Variants in MID1 observed in about 807,000 individuals in gnomAD.
MID1 encodes the protein E3 ubiquitin-protein ligase Midline-1.
A neutral mutation model predicts 40.4 loss-of-function variants in MID1; 7 were observed. The ratio of observed to expected loss-of-function variants is 0.17; its 90% confidence interval spans 0.10 to 0.33. MID1 has a LOEUF of 0.33. Among genes scored for constraint, MID1 ranks in the 10% least tolerant of loss-of-function variants. MID1 has a pLI of 1.00. For synonymous variants in MID1, 229 were observed against 221.2 expected (o/e 1.04, Z -0.31); for missense variants, 367 against 558.5 (o/e 0.66, Z 3.46).
At chrX:10,816,428 G>C (rs1405662046) in intron 1 of MID1, among the ~76,000 whole-genome samples, 1 of 112,189 alleles carries the variant, frequency 8.9e-6, no homozygotes, top group Admixed American at 9.5e-5. Context: ...GGAAACGTGT[G>C]TCTCCATAGC....
intron 1 of MID1, among the ~76,000 whole-genome samples, chrX:10,802,717 C>T (rs2044017695): frequency 8.9e-6 from 1 of 111,790 alleles, no homozygotes; most frequent in East Asian, 2.8e-4. Context: ...AAAAAAGACA[C>T]GTGGATATGT....
rs377334315 is a variant in MID1, at chrX:10,764,683, G to C, written c.-187+68871C>G. Among the ~76,000 whole-genome samples the C allele has an allele frequency of 2.6e-4, 29 of 111,235 alleles. No individual in the cohort carries two copies. In the South Asian group the frequency reaches 0.011, roughly 43 times the overall value. ...GAATTTCTTAGCACAAATTCTGCCT[G>C]GCAGGCTGGTTTAATTTAATTTCTG... On this transcript the variant is annotated intron_variant, in intron 1 of 10. Coordinates refer to the MID1 transcript ENST00000380785.
Position 10,461,304 on chromosome X carries a change from AGTGT to A in MID1, c.1286-1501_1286-1498del, listed in dbSNP as rs773995432. ...AATTTAGGACTCATAGAAGGGTTTG[AGTGT>A]GTGTGTGTTTATATTTGGAGATTCA... On this transcript the variant is annotated intron_variant, in intron 7 of 9. Transcript: ENST00000317552. Among the ~76,000 whole-genome samples the A allele has an allele frequency of 1.8e-4, 19 of 107,501 alleles. No individual in the cohort carries two copies. The East Asian group carries it at 5.3e-3, about 30-fold the overall frequency. The allele number at this position is 107,501 out of a possible 115,157, so 93.4% of individuals were successfully genotyped here.
At chrX:10,651,602 A>G (rs768987358) in intron 1 of MID1, among the ~76,000 whole-genome samples, 6 of 111,912 alleles carry the variant, frequency 5.4e-5, no homozygotes, top group Non-Finnish European at 1.1e-4. Context: ...TTCTCATATC[A>G]TCAGTTTTCA....
intron 4 of MID1, among the ~76,000 whole-genome samples, chrX:10,495,072 T>C (rs1010568435): frequency 2.7e-5 from 3 of 111,918 alleles, no homozygotes; most frequent in Non-Finnish European, 5.6e-5. Flanking sequence ...ATTATTACTA[T>C]ATCCACAAAG....
At chrX:10,703,109 A>G (rs2043202726) in intron 1 of MID1, among the ~76,000 whole-genome samples, 1 of 112,206 alleles carries the variant, frequency 8.9e-6, no homozygotes, top group African/African-American at 3.2e-5. Context: ...ACAATGAACA[A>G]CATAATTTAT....
chrX:10,739,595 G>A (rs2043508694), intron 1 of MID1, among the ~76,000 whole-genome samples: 1 of 111,683 alleles, frequency 9.0e-6, no homozygotes, highest in Non-Finnish European at 1.9e-5. Flanking sequence ...GAATATCAGG[G>A]AACTATCTGG....
chrX:10,521,654 T>C (rs1421210406), intron 3 of MID1, among the ~76,000 whole-genome samples: 3 of 111,798 alleles, frequency 2.7e-5, no homozygotes, highest in Non-Finnish European at 5.6e-5. Flanking sequence ...ATCTATTTTT[T>C]CCTTATTCAG....
At chrX:10,715,203 AC>A (rs774150669) in intron 1 of MID1, among the ~76,000 whole-genome samples, 2 of 112,112 alleles carry the variant, frequency 1.8e-5, no homozygotes, top group Non-Finnish European at 3.8e-5. Flanking sequence ...TGGGTGCAGG[AC>A]AGTGGGTGCA....
intron 3 of MID1, among the ~76,000 whole-genome samples, chrX:10,520,302 C>T (rs956521061): frequency 6.3e-5 from 7 of 111,776 alleles, no homozygotes; most frequent in Non-Finnish European, 1.3e-4. Flanking sequence ...TAAACTGTCT[C>T]ACCATTCATT....
intron 1 of MID1, among the ~76,000 whole-genome samples, chrX:10,701,124 T>A (rs1259559911): frequency 1.8e-5 from 2 of 111,939 alleles, no homozygotes; most frequent in Non-Finnish European, 3.8e-5. Flanking sequence ...AAGCAGCCGC[T>A]GTTGATGCAA....
chrX:10,584,865 G>A (rs184226804), intron 1 of MID1, among the ~76,000 whole-genome samples: 1,172 of 110,938 alleles, frequency 0.011, 14 homozygotes, highest in African/African-American at 0.033. Context: ...TCGGCTGGGG[G>A]CATCGGCAAG....
chrX:10,470,684 T>C (rs984458414), intron 6 of MID1, among the ~76,000 whole-genome samples: 2 of 112,238 alleles, frequency 1.8e-5, no homozygotes, highest in African/African-American at 6.5e-5. Flanking sequence ...TTTTGGCATT[T>C]GGTTAATTTA....
intron 1 of MID1, among the ~76,000 whole-genome samples, chrX:10,597,878 T>C (rs1935442945): frequency 9.0e-6 from 1 of 111,699 alleles, no homozygotes; most frequent in Non-Finnish European, 1.9e-5. Flanking sequence ...TAATGTTTTG[T>C]GATAACCCCA....
At chrX:10,629,148 C>A (rs1936026197) in intron 1 of MID1, among the ~76,000 whole-genome samples, 1 of 111,455 alleles carries the variant, frequency 9.0e-6, no homozygotes, top group Admixed American at 9.5e-5. Flanking sequence ...GTTGCACCTT[C>A]AAGATGAGTC....
intron 1 of MID1, among the ~76,000 whole-genome samples, chrX:10,728,197 C>G (rs187648510): frequency 1.8e-5 from 2 of 110,795 alleles, no homozygotes; most frequent in African/African-American, 6.6e-5. Flanking sequence ...TTTTCCCCCC[C>G]CAGGAAAAAA....
intron 1 of MID1, among the ~76,000 whole-genome samples, chrX:10,687,101 C>T (rs956431062): frequency 3.6e-5 from 4 of 111,715 alleles, no homozygotes; most frequent in Non-Finnish European, 7.5e-5. Flanking sequence ...TAACAGAACA[C>T]CCAAATTTCA....
At chrX:10,698,715 A>C (rs1161956063) in intron 1 of MID1, among the ~76,000 whole-genome samples, 11 of 103,941 alleles carry the variant, frequency 1.1e-4, no homozygotes, top group Admixed American at 7.1e-4. Flanking sequence ...GCAGATGCAA[A>C]AAAAAAGAAG....
At position 10,446,626 on chromosome X, in the gene MID1, G is replaced by A. The variant is rs1928050500; in HGVS notation, c.*2742C>T. On this transcript the variant is annotated 3_prime_UTR_variant, in exon 10 of 10. Transcript: ENST00000317552. ...TTATTTGTATCCACCAGGAAGAGAG[G>A]TACCACGTTTCTGAGTTCTTTTATG... 8.9e-6 allele frequency: 1 copy of A among 112,141 alleles called. No homozygotes were observed. The highest frequency in any genetic ancestry group is 1.9e-5 in the Non-Finnish European group (1 of 53,289). The allele number at this position is 112,141 out of a possible 1,213,427, so 9.2% of individuals were successfully genotyped here.
Sources: gnomAD v4.1 joint callset for allele counts (sites outside exome capture counted in the v4.1 genomes callset) on GRCh38, gnomAD v4.1.1 for gene constraint, MANE v1.5 for transcripts, NCBI Gene and HGNC (gene_info 2026-07-23, HGNC 2026-07-21) for gene names.